Variants in ZNF10 observed in about 807,000 individuals in gnomAD.
The protein encoded by ZNF10 is zinc finger protein 10, also known as zinc finger protein 10 (KOX 1).
In ZNF10, 8 loss-of-function variants were observed where a neutral mutation model predicts 12.2. That is an observed-to-expected ratio of 0.66 (90% CI 0.39 to 1.18). The LOEUF (loss-of-function observed/expected upper bound fraction) is 1.18. Among genes scored for constraint, ZNF10 ranks in the 50% most tolerant of loss-of-function variants. The pLI, the probability that ZNF10 is intolerant of heterozygous loss-of-function variation, is 0.01. For synonymous variants in ZNF10, 229 were observed against 228.2 expected, an observed-to-expected ratio of 1.00 and a Z score of -0.03; for missense variants, 603 against 678.9, an observed-to-expected ratio of 0.89 and a Z score of 1.24.
intron 1 of ZNF10, among the ~76,000 whole-genome samples, chr12:133,132,010 A>G (rs545298400): frequency 6.6e-6 from 1 of 152,324 alleles, no homozygotes; most frequent in Non-Finnish European, 1.5e-5. Context: ...ATTACTATCA[A>G]TAATTTGTAG....
At position 133,151,229 on chromosome 12, in the gene ZNF10, A is replaced by C. The variant is rs1956005190; in HGVS notation, c.160+75A>C. On this transcript the variant is annotated intron_variant, in intron 3 of 4. Coordinates refer to ENST00000248211, the MANE Select transcript of ZNF10 (RefSeq NM_015394.5). ...GTACAGAGACCCTGAAGCATGTATCACACCAGAGTATAGGCTTGGCGTTCA... is the reference window on the plus strand; with the variant it reads ...GTACAGAGACCCTGAAGCATGTATCCCACCAGAGTATAGGCTTGGCGTTCA... The C allele has an allele frequency of 2.8e-6, 4 of 1,441,946 alleles. No individual in the cohort carries two copies. In the East Asian group the frequency reaches 9.5e-5, roughly 34 times the overall value. 89.3% of individuals were successfully genotyped at this position (1,441,946 alleles called of 1,614,324 possible).
At chr12:133,149,519 G>A (rs983963546) in intron 2 of ZNF10, among the ~76,000 whole-genome samples, 1 of 151,472 alleles carries the variant, frequency 6.6e-6, no homozygotes, top group African/African-American at 2.4e-5. Context: ...CACCACGCCT[G>A]GTTAATTTTT....
In ZNF10 at chr12:133,151,756, A is replaced by G. The variant is rs80193200; in HGVS notation, c.161-53A>G. On this transcript the variant is annotated intron_variant, in intron 3 of 4. Coordinates refer to ENST00000248211, the MANE Select transcript of ZNF10 (RefSeq NM_015394.5). ...GAATCTGAGATGTTTCTTCGTGCCT[A>G]CCTCAGAGCTCCCCTGACTCTTACC... The G allele has an allele frequency of 0.011, 15,373 of 1,444,724 alleles. 1,293 individuals carry two copies. The African/African-American group carries it at 0.18, about 17-fold the overall frequency. The allele number at this position is 1,444,724 out of a possible 1,614,324, so 89.5% of individuals were successfully genotyped here.
At chr12:133,139,908 T>G (rs537075197) in intron 1 of ZNF10, among the ~76,000 whole-genome samples, 30 of 151,890 alleles carry the variant, frequency 2.0e-4, no homozygotes, top group African/African-American at 7.2e-4. Flanking sequence ...AAAAAAAATT[T>G]TTTTAATTAG....
At chr12:133,146,633 G>A (rs1389295732) in intron 2 of ZNF10, among the ~76,000 whole-genome samples, 1 of 152,072 alleles carries the variant, frequency 6.6e-6, no homozygotes, top group East Asian at 1.9e-4. Flanking sequence ...ATCACTTGAG[G>A]TCAGGAGTTC....
chr12:133,157,062 G>C lies in ZNF10; in HGVS notation c.*94G>C. On this transcript the variant is annotated 3_prime_UTR_variant, in exon 5 of 5. Transcript: ENST00000248211. ...GTACAAATTGAATCTATGTGGAAAT[G>C]CTTTCAGTCTTGTTACTATCCTATT... 1.7e-6 allele frequency: 2 copies of C among 1,179,824 alleles called. No individual in the cohort carries two copies. Among genetic ancestry groups the C allele is most frequent in the Non-Finnish European group, 2.2e-6 (2 of 903,464 alleles). The allele number at this position is 1,179,824 out of a possible 1,614,324, so 73.1% of individuals were successfully genotyped here.
At chr12:133,136,447 A>C (rs1041519308) in intron 1 of ZNF10, among the ~76,000 whole-genome samples, 2 of 152,136 alleles carry the variant, frequency 1.3e-5, no homozygotes, top group African/African-American at 4.8e-5. Flanking sequence ...ATTTTGATCT[A>C]CCCATCCTTG....
chr12:133,149,441 T>A (rs775502464), intron 2 of ZNF10, among the ~76,000 whole-genome samples: 3 of 140,802 alleles, frequency 2.1e-5, no homozygotes, highest in Non-Finnish European at 4.6e-5. Flanking sequence ...CACTGTAACA[T>A]CTGGCTCCTG....
At position 133,134,539 on chromosome 12, in the gene ZNF10, G is replaced by A. The variant is rs73427937; in HGVS notation, c.-60+3785G>A. On this transcript the variant is annotated intron_variant, in intron 1 of 4. Transcript: ENST00000248211. ...GCCAACACCTTAATTTTAGCCCTCC[G>A]AAACCTGTATCAGACTTCTGACCTC... Among the ~76,000 whole-genome samples the A allele has an allele frequency of 4.2e-3, 635 of 152,216 alleles. 4 individuals are homozygous for A. Among genetic ancestry groups the A allele is most frequent in the African/African-American group, 0.015 (613 of 41,532 alleles).
chr12:133,146,020 G>C (rs1955974332), intron 2 of ZNF10, among the ~76,000 whole-genome samples: 1 of 152,166 alleles, frequency 6.6e-6, no homozygotes, highest in Non-Finnish European at 1.5e-5. Context: ...CCAGAAATCA[G>C]ATAGCCACTG....
chr12:133,137,519 T>C (rs1955919363), intron 1 of ZNF10, among the ~76,000 whole-genome samples: 1 of 152,188 alleles, frequency 6.6e-6, no homozygotes, highest in African/African-American at 2.4e-5. Flanking sequence ...CTCCCTTACC[T>C]ACCAAACCAG....
intron 1 of ZNF10, among the ~76,000 whole-genome samples, chr12:133,135,663 C>T (rs1312317822): frequency 1.3e-5 from 2 of 152,164 alleles, no homozygotes; most frequent in Non-Finnish European, 2.9e-5. Context: ...CTTATTCTCA[C>T]GACTCTTCTT....
chr12:133,157,268 C>T lies in ZNF10; in HGVS notation c.*300C>T, dbSNP rs1014316985. 1.1e-4 allele frequency: 26 copies of T among 232,800 alleles called. No homozygotes were observed. The highest frequency in any genetic ancestry group is 1.6e-4 in the African/African-American group (7 of 44,530). The allele number at this position is 232,800 out of a possible 1,614,324, so 14.4% of individuals were successfully genotyped here. On this transcript the variant is annotated 3_prime_UTR_variant, in exon 5 of 5. Transcript: ENST00000248211. ...ATTATTAAATAGGTGAGTTGTTGAG[C>T]GAGAACCCCTTCATTTGAAAAGAAA...
chr12:133,148,225 A>G (rs1156619799), intron 2 of ZNF10, among the ~76,000 whole-genome samples: 1 of 152,112 alleles, frequency 6.6e-6, no homozygotes, highest in Non-Finnish European at 1.5e-5. Context: ...CGTCGAAGCG[A>G]TTCTCATGCC....
chr12:133,133,737 G>A (rs1464473185), intron 1 of ZNF10, among the ~76,000 whole-genome samples: 1 of 152,162 alleles, frequency 6.6e-6, no homozygotes, highest in African/African-American at 2.4e-5. Context: ...GTGTTTGATT[G>A]GAGCTGTGCT....
chr12:133,147,067 G>T (rs1225563990), intron 2 of ZNF10, among the ~76,000 whole-genome samples: 3 of 152,190 alleles, frequency 2.0e-5, no homozygotes. Context: ...TTCATCTGTT[G>T]TTGCATGAGT....
intron 2 of ZNF10, among the ~76,000 whole-genome samples, chr12:133,148,169 G>A (rs934800625): frequency 6.6e-6 from 1 of 152,056 alleles, no homozygotes; most frequent in African/African-American, 2.4e-5. Context: ...CGTCTAGGCT[G>A]GAGTGCAGTG....
chr12:133,154,696 T>C (rs1030561618), intron 4 of ZNF10, among the ~76,000 whole-genome samples: 1 of 152,206 alleles, frequency 6.6e-6, no homozygotes, highest in African/African-American at 2.4e-5. Flanking sequence ...AGGTCTGTTG[T>C]GTCACTCATC....
In ZNF10 at chr12:133,157,495, A is replaced by C. The variant is rs971880284; in HGVS notation, c.*527A>C. The C allele has an allele frequency of 6.6e-6, 1 of 152,256 alleles. No homozygotes were observed. Among genetic ancestry groups the C allele is most frequent in the African/African-American group, 2.4e-5 (1 of 41,454 alleles). The allele number at this position is 152,256 out of a possible 1,614,324, so 9.4% of individuals were successfully genotyped here. On this transcript the variant is annotated 3_prime_UTR_variant, in exon 5 of 5. Transcript: ENST00000248211. ...TTGGTTAACAGCAAGAAAAATGCTT[A>C]TAATGTAGTACAATTAAAAACAACA... is the stretch of plus-strand genomic sequence containing the variant.
Sources: allele counts gnomAD v4.1 joint callset (sites outside exome capture counted in the v4.1 genomes callset), GRCh38; gene constraint gnomAD v4.1.1; transcripts MANE v1.5; gene names NCBI Gene and HGNC (gene_info 2026-07-23, HGNC 2026-07-21).